NME7: variants seen among roughly 807,000 people sequenced by gnomAD.
The protein encoded by NME7 is NME/NM23 family member 7.
In NME7, 41 loss-of-function variants were observed where a neutral mutation model predicts 49.1. That is an observed-to-expected ratio of 0.83 (90% CI 0.65 to 1.08). NME7 has a LOEUF of 1.08. NME7 is among the 50% of genes least tolerant of loss of function. The pLI is 0.00. For missense variants in NME7, 423 were observed against 463.4 expected, an observed-to-expected ratio of 0.91 and a Z score of 0.80; for synonymous variants, 139 against 150.6, an observed-to-expected ratio of 0.92 and a Z score of 0.56.
At chr1:169,334,578 A>G (rs551627217) in intron 1 of NME7, among the ~76,000 whole-genome samples, 54 of 152,328 alleles carry the variant, frequency 3.5e-4, no homozygotes, top group African/African-American at 1.3e-3. Context: ...TGGATTAAAG[A>G]CTTAAATGTA....
intron 6 of NME7, 112 bp from the exon 7 acceptor site, chr1:169,287,520 A>C: frequency 2.5e-6 from 2 of 810,672 alleles, no homozygotes; most frequent in South Asian, 2.5e-5. Context: ...TCATCATATA[A>C]ATTTTTTGTT....
chr1:169,196,766 G>T (rs1171050449), intron 10 of NME7, among the ~76,000 whole-genome samples: 1 of 152,090 alleles, frequency 6.6e-6, no homozygotes, highest in Admixed American at 6.6e-5. Flanking sequence ...CTACCAAGCT[G>T]CTCACATAAC....
intron 10 of NME7, among the ~76,000 whole-genome samples, chr1:169,170,550 ATATTTT>A (rs1659554170): frequency 6.6e-6 from 1 of 152,234 alleles, no homozygotes; most frequent in Non-Finnish European, 1.5e-5. Flanking sequence ...GGATGTCTTT[ATATTTT>A]ATTTCATATT....
At chr1:169,350,010 G>C (rs1416697383) in intron 1 of NME7, among the ~76,000 whole-genome samples, 1 of 151,938 alleles carries the variant, frequency 6.6e-6, no homozygotes, top group Non-Finnish European at 1.5e-5. Flanking sequence ...GGCCAACATA[G>C]TGACACCCTG....
chr1:169,249,123 A>T (rs1194440636), intron 7 of NME7, among the ~76,000 whole-genome samples: 1 of 151,994 alleles, frequency 6.6e-6, no homozygotes, highest in Non-Finnish European at 1.5e-5. Context: ...TGAGCATGGG[A>T]TGTGTTTCCA....
chr1:169,290,080 T>A (rs946678250), intron 6 of NME7, among the ~76,000 whole-genome samples: 10 of 152,064 alleles, frequency 6.6e-5, no homozygotes, highest in Non-Finnish European at 1.3e-4. Flanking sequence ...GGTATATAAT[T>A]TTTAAATTTT....
intron 11 of NME7, among the ~76,000 whole-genome samples, chr1:169,160,256 T>C (rs1480433830): frequency 6.6e-6 from 1 of 152,206 alleles, no homozygotes; most frequent in Non-Finnish European, 1.5e-5. Flanking sequence ...CTATAGTTGC[T>C]AACATCCTCA....
At chr1:169,326,125 G>A (rs1340977927) in intron 1 of NME7, among the ~76,000 whole-genome samples, 1 of 151,930 alleles carries the variant, frequency 6.6e-6, no homozygotes, top group Non-Finnish European at 1.5e-5. Flanking sequence ...TCTAACTAAA[G>A]CAAATGAAAA....
In NME7 at chr1:169,355,224, G is replaced by T. The variant is rs36194976; in HGVS notation, c.3+12484C>A. On this transcript the variant is annotated intron_variant, in intron 1 of 11. Coordinates refer to ENST00000367811, the MANE Select transcript of NME7 (RefSeq NM_013330.5). ...TATATAATATATATTATATATTATA[G>T]ATATAATATATAATATATTATATAT... Among the ~76,000 whole-genome samples, 294 of 21,180 alleles carry T rather than the reference G, an allele frequency of 0.014. 48 individuals are homozygous for T. The East Asian group carries it at 0.48, about 34-fold the overall frequency. 13.9% of individuals were successfully genotyped at this position (21,180 alleles called of 152,430 possible).
At chr1:169,326,739 A>C (rs1571391837) in intron 1 of NME7, among the ~76,000 whole-genome samples, 1 of 152,162 alleles carries the variant, frequency 6.6e-6, no homozygotes, top group Admixed American at 6.5e-5. Flanking sequence ...TTTACTTCCT[A>C]GAGTTAAAAG....
intron 1 of NME7, among the ~76,000 whole-genome samples, chr1:169,325,753 T>G (rs1652037308): frequency 6.6e-6 from 1 of 152,134 alleles, no homozygotes; most frequent in Non-Finnish European, 1.5e-5. Context: ...TTATAATATA[T>G]CCATAAACTA....
chr1:169,234,334 TTA>T (rs2101824364), intron 9 of NME7, among the ~76,000 whole-genome samples: 1 of 152,276 alleles, frequency 6.6e-6, no homozygotes, highest in Non-Finnish European at 1.5e-5. Flanking sequence ...ATTATTTGGC[TTA>T]TAGCAGATAC....
At chr1:169,257,411 C>T (rs1394979660) in intron 7 of NME7, among the ~76,000 whole-genome samples, 1 of 134,530 alleles carries the variant, frequency 7.4e-6, no homozygotes, top group African/African-American at 2.5e-5. Context: ...CAATGCCTCG[C>T]CCTGCTTCGG....
intron 3 of NME7, among the ~76,000 whole-genome samples, chr1:169,320,285 T>C (rs772716268): frequency 1.3e-5 from 2 of 152,152 alleles, no homozygotes; most frequent in Non-Finnish European, 2.9e-5. Context: ...AGGATAAAAA[T>C]GTGAATCAAA....
At chr1:169,251,673 T>C (rs981801354) in intron 7 of NME7, among the ~76,000 whole-genome samples, 1 of 146,850 alleles carries the variant, frequency 6.8e-6, no homozygotes, top group African/African-American at 2.5e-5. Context: ...ACTCATCATC[T>C]AGCATTAGGT....
intron 1 of NME7, among the ~76,000 whole-genome samples, chr1:169,365,880 C>T (rs1653833414): frequency 6.6e-6 from 1 of 152,120 alleles, no homozygotes; most frequent in African/African-American, 2.4e-5. Context: ...TGTAGGATAA[C>T]TCTGATTTCT....
At chr1:169,132,906 G>C (rs1350013816) in intron 11 of NME7, 89 bp from the exon 12 acceptor site, 6 of 927,746 alleles carry the variant, frequency 6.5e-6, no homozygotes, top group Middle Eastern at 2.1e-4. Flanking sequence ...CAGGACTTCA[G>C]ACACTGGCAT....
intron 1 of NME7, among the ~76,000 whole-genome samples, chr1:169,340,847 A>G (rs557918096): frequency 6.6e-6 from 1 of 152,354 alleles, no homozygotes; most frequent in South Asian, 2.1e-4. Context: ...AGAAATTTCT[A>G]AGCAGAAAAG....
At chr1:169,309,510 A>C (rs923802463) in intron 4 of NME7, among the ~76,000 whole-genome samples, 2 of 152,196 alleles carry the variant, frequency 1.3e-5, no homozygotes, top group African/African-American at 4.8e-5. Context: ...GGAAAGCAGC[A>C]CTGCGATTCA....
Sources: allele counts gnomAD v4.1 joint callset (sites outside exome capture counted in the v4.1 genomes callset), GRCh38; gene constraint gnomAD v4.1.1; transcripts MANE v1.5; gene names NCBI Gene and HGNC (gene_info 2026-07-23, HGNC 2026-07-21).